Variants in PCDHGC3 observed in about 807,000 individuals in gnomAD.
PCDHGC3 encodes protocadherin gamma-C3.
PCDHGC3 carries 26 observed loss-of-function variants against 59.2 expected under a neutral mutation model. The observed-to-expected ratio is 0.44, with a 90% CI of 0.32 to 0.61. The LOEUF is 0.61. PCDHGC3 is among the 20% of genes least tolerant of loss of function. The probability of loss-of-function intolerance (pLI) is 0.05; values close to 1 mark genes in which losing one functional copy is unlikely to be tolerated. For missense variants in PCDHGC3, 1,080 were observed against 1,221.8 expected (o/e 0.88, Z 1.73); for synonymous variants, 487 against 519.7 (o/e 0.94, Z 0.86).
In PCDHGC3 at chr5:141,485,910, G is replaced by C. The variant is rs142273728; in HGVS notation, c.2430+7364G>C. On this transcript the variant is annotated intron_variant, in intron 1 of 3. Transcript: ENST00000308177. The surrounding 1 kb of genome is among the most constrained non-coding windows in gnomAD (Gnocchi z 5.7). ...AACGCCCCAGCCTTCCAGCAATCCAGCTACAGGATTAGTGTGTTGGAGAGC... is the reference window on the plus strand; with the variant it reads ...AACGCCCCAGCCTTCCAGCAATCCACCTACAGGATTAGTGTGTTGGAGAGC... The C allele has an allele frequency of 1.2e-6, 2 of 1,614,078 alleles. No homozygotes were observed. Among genetic ancestry groups the C allele is most frequent in the African/African-American group, 2.7e-5 (2 of 74,932 alleles).
rs772962568 is a variant in PCDHGC3, at chr5:141,476,311, G to A, written c.195G>A (p.Arg65=). The stretch of plus-strand genomic sequence containing the variant: ...ATCTCGGTAGCCTCTCAGCCCGCAG[G>A]TTCCGGGTGGTGTCTGGAGCTAGCC... The part of the protein sequence containing the change: ...GLDLGSLSAR[R]FRVVSGASRR... The change falls in exon 1 of 4, where the codon AGG becomes AGA. Residue 65 remains arginine (R), a synonymous_variant. Transcript: ENST00000308177. The surrounding 1 kb of genome is among the most constrained non-coding windows in gnomAD (Gnocchi z 7.6). 13 of 1,613,680 alleles carry A rather than the reference G, an allele frequency of 8.1e-6. No individual in the cohort carries two copies. The African/African-American group carries it at 1.5e-4, about 18-fold the overall frequency.
chr5:141,477,211 C>G lies in PCDHGC3; in HGVS notation c.1095C>G (p.Ala365=). 2 of 1,614,154 alleles carry G rather than the reference C, an allele frequency of 1.2e-6. No individual in the cohort carries two copies. Among genetic ancestry groups the G allele is most frequent in the Non-Finnish European group, 1.7e-6 (2 of 1,180,036 alleles). The change falls in exon 1 of 4, where the codon GCC becomes GCG. Residue 365 remains alanine (A), a synonymous_variant. Transcript: ENST00000308177. The surrounding 1 kb of genome is among the most constrained non-coding windows in gnomAD (Gnocchi z 4.9). ...TGTACAGCCCAGTACCCGAGGATGC[C>G]CCTCTGGGGACTGTCATCGCTTTGC... ...TSVYSPVPED[A]PLGTVIALLS...
At chr5:141,503,804 G>A (rs2099831736) in intron 2 of PCDHGC3, among the ~76,000 whole-genome samples, 1 of 152,034 alleles carries the variant, frequency 6.6e-6, no homozygotes, top group South Asian at 2.1e-4. Flanking sequence ...TAGGGACGGG[G>A]AATCCCAGAT....
At chr5:141,481,999 C>T (rs958678555) in intron 1 of PCDHGC3, among the ~76,000 whole-genome samples, 7 of 149,942 alleles carry the variant, frequency 4.7e-5, no homozygotes, top group Admixed American at 2.0e-4. Flanking sequence ...GCAGGAGAAT[C>T]GCTTTATCTC....
chr5:141,495,028 G>C, intron 2 of PCDHGC3, 163 bp downstream of exon 2: 3 of 966,196 alleles, frequency 3.1e-6, no homozygotes, highest in Non-Finnish European at 3.7e-6. Flanking sequence ...CACAGACCCC[G>C]GAAGGAAGAG....
Position 141,489,463 on chromosome 5 carries a change from T to C in PCDHGC3, c.2431-5344T>C. ...GGGCTCTGAGGAGAATGGGCGCTAT[T>C]TTTCCCTGAGCTTGATGAGTGGTGC... On this transcript the variant is annotated intron_variant, in intron 1 of 3. Transcript: ENST00000308177. This position sits in a 1 kb window ranked among gnomAD's most constrained non-coding sequence, Gnocchi z 4.5. 6.2e-7 allele frequency: 1 copy of C among 1,614,050 alleles called. No individual in the cohort carries two copies. The highest frequency in any genetic ancestry group is 8.5e-7 in the Non-Finnish European group (1 of 1,180,002).
At chr5:141,507,120 T>TA (rs1256499995) in intron 3 of PCDHGC3, 2 of 152,206 alleles carry the variant, frequency 1.3e-5, no homozygotes, top group African/African-American at 4.8e-5. Context: ...TGGCTGCCTT[T>TA]GGATCCAGCC....
Position 141,491,897 on chromosome 5 carries a change from C to G in PCDHGC3, c.2431-2910C>G. The stretch of plus-strand genomic sequence containing the variant: ...GATTAAGGGATGGGGCTCCGAGCAC[C>G]GGGGGTGGTGGCGACTGTGGGCGAG... On this transcript the variant is annotated intron_variant, in intron 1 of 3. Transcript: ENST00000308177. This position sits in a 1 kb window ranked among gnomAD's most constrained non-coding sequence, Gnocchi z 6.9. 7 of 1,432,534 alleles carry G rather than the reference C, an allele frequency of 4.9e-6. No homozygotes were observed. The highest frequency in any genetic ancestry group is 6.5e-6 in the Non-Finnish European group (7 of 1,082,898). 88.7% of individuals were successfully genotyped at this position (1,432,534 alleles called of 1,614,324 possible).
At position 141,486,878 on chromosome 5, in the gene PCDHGC3, C is replaced by T. The variant is rs772994346; in HGVS notation, c.2431-7929C>T. ...CAATGCTCCAGCTGTGCTCCGTCCT[C>T]GGGCCCGGCCTGGTTCCTTATGTCC... On this transcript the variant is annotated intron_variant, in intron 1 of 3. Transcript: ENST00000308177. The surrounding 1 kb of genome is among the most constrained non-coding windows in gnomAD (Gnocchi z 5.0). 3.0e-5 allele frequency: 49 copies of T among 1,614,114 alleles called. No homozygotes were observed. The highest frequency in any genetic ancestry group is 4.4e-5 in the South Asian group (4 of 91,088).
rs1562065751 is a variant in PCDHGC3, at chr5:141,477,907, C to T, written c.1791C>T (p.Asp597=). The T allele has an allele frequency of 1.9e-6, 3 of 1,614,164 alleles. No homozygotes were observed. The highest frequency in any genetic ancestry group is 2.2e-5 in the East Asian group (1 of 44,872). ...TAGTGTCACGGGTGGTAGGCTGGGA[C>T]GCGGATGCAGGGCACAATGCCTGGC... ...GHLVSRVVGW[D]ADAGHNAWLS... The change falls in exon 1 of 4, where the codon GAC becomes GAT. Residue 597 remains aspartate, a synonymous_variant. Transcript: ENST00000308177. This position sits in a 1 kb window ranked among gnomAD's most constrained non-coding sequence, Gnocchi z 4.9.
rs554119295 is a variant in PCDHGC3 at position 141,482,963 on chromosome 5, C to T, written c.2430+4417C>T. 1.7e-4 allele frequency among the ~76,000 whole-genome samples: 10 copies of T among 57,958 alleles called. No homozygotes were observed. In the South Asian group the frequency reaches 4.5e-3, roughly 26 times the overall value. 38.0% of individuals were successfully genotyped at this position (57,958 alleles called of 152,430 possible). On this transcript the variant is annotated intron_variant, in intron 1 of 3. Coordinates refer to ENST00000308177, the MANE Select transcript of PCDHGC3 (RefSeq NM_002588.4). The stretch of plus-strand genomic sequence containing the variant: ...TTGTGGGTGCCTGTAATTCCAGCTA[C>T]TTGAGCAGCTACTTGAGAGGTCGAG...
intron 1 of PCDHGC3, among the ~76,000 whole-genome samples, chr5:141,494,512 C>T (rs2154591503): frequency 6.6e-6 from 1 of 152,276 alleles, no homozygotes; most frequent in Middle Eastern, 3.4e-3. Context: ...AATTTTGGCT[C>T]AGGAGTTCTG....
chr5:141,509,081 A>T (rs1279221589), intron 3 of PCDHGC3, among the ~76,000 whole-genome samples: 1 of 152,160 alleles, frequency 6.6e-6, no homozygotes, highest in Non-Finnish European at 1.5e-5. Context: ...GATTTGCGAC[A>T]TGAAATGGGG....
rs186638311 is a variant in PCDHGC3, at chr5:141,492,901, T to C, written c.2431-1906T>C. 3.7e-3 allele frequency among the ~76,000 whole-genome samples: 568 copies of C among 152,326 alleles called. 5 individuals carry two copies. The highest frequency in any genetic ancestry group is 0.011 in the Admixed American group (163 of 15,308). On this transcript the variant is annotated intron_variant, in intron 1 of 3. Coordinates refer to ENST00000308177, the MANE Select transcript of PCDHGC3 (RefSeq NM_002588.4). ...GAGATACAGGCTTTTGGCGCCGTCG[T>C]GATCACAATGTGCCCAGCGATCTAG...
intron 3 of PCDHGC3, among the ~76,000 whole-genome samples, chr5:141,509,056 G>A (rs1303823294): frequency 1.3e-5 from 2 of 152,178 alleles, no homozygotes; most frequent in Admixed American, 6.5e-5. Context: ...CCCCCAGAAA[G>A]CTCTCAGCTC....
rs770219250 is a variant in PCDHGC3, at chr5:141,477,852, T to C, written c.1736T>C (p.Met579Thr). Reference sequence around the variant, plus strand: ...CGGCCAGGTGGGAGCTCGGTGGAGATGCTGCCTCGAGGTACCTCAGCTGGC... The same window carrying C: ...CGGCCAGGTGGGAGCTCGGTGGAGACGCTGCCTCGAGGTACCTCAGCTGGC... The part of the protein sequence containing the change: ...YPRPGGSSVE[M>T]LPRGTSAGHL... The change falls in exon 1 of 4, where the codon ATG becomes ACG. Residue 579 changes from methionine to threonine, a missense_variant. Physicochemically the swap from Met to Thr is moderately conservative, Grantham distance 81 (BLOSUM62 -1). Transcript: ENST00000308177. This position sits in a 1 kb window ranked among gnomAD's most constrained non-coding sequence, Gnocchi z 4.9. The C allele has an allele frequency of 6.2e-7, 1 of 1,613,654 alleles. No homozygotes were observed. Among genetic ancestry groups the C allele is most frequent in the Admixed American group, 1.7e-5 (1 of 59,980 alleles).
chr5:141,500,234 A>T (rs2099798212), intron 2 of PCDHGC3, among the ~76,000 whole-genome samples: 1 of 148,996 alleles, frequency 6.7e-6, no homozygotes, highest in Non-Finnish European at 1.5e-5. Context: ...ATTGATACGT[A>T]GCCTTGCTCT....
chr5:141,478,752 G>A (rs2099475483), intron 1 of PCDHGC3: 2 of 1,521,420 alleles, frequency 1.3e-6, no homozygotes, highest in South Asian at 1.3e-5. Context: ...CATTTCAGGG[G>A]GAAGATACTT....
chr5:141,509,060 T>G (rs2099874519), intron 3 of PCDHGC3, among the ~76,000 whole-genome samples: 1 of 152,216 alleles, frequency 6.6e-6, no homozygotes, highest in Middle Eastern at 3.4e-3. Flanking sequence ...CAGAAAGCTC[T>G]CAGCTCCGGG....
Sources: gnomAD v4.1 joint callset for allele counts (sites outside exome capture counted in the v4.1 genomes callset) on GRCh38, gnomAD v4.1.1 for gene constraint, Gnocchi (gnomAD v3.1) non-coding constraint, MANE v1.5 for transcripts, NCBI Gene and HGNC (gene_info 2026-07-23, HGNC 2026-07-21) for gene names.